The following COL5A1 variants were observed in gnomAD, a reference collection of about 807,000 sequenced individuals.
The protein encoded by COL5A1 is collagen type V alpha 1 chain, also known as collagen alpha-1(V) chain.
COL5A1 carries 16 observed loss-of-function variants against 263.7 expected under a neutral mutation model. That is an observed-to-expected ratio of 0.06 (90% CI 0.04 to 0.09). The LOEUF is 0.09. COL5A1 is among the 10% of genes least tolerant of loss of function. The pLI, the probability that COL5A1 is intolerant of heterozygous loss-of-function variation, is 1.00. For synonymous variants in COL5A1, 1,012 were observed against 1,004.5 expected (o/e 1.01, Z -0.14); for missense variants, 2,036 against 2,540.5 (o/e 0.80, Z 4.27).
intron 11 of COL5A1, among the ~76,000 whole-genome samples, chr9:134,745,717 G>A (rs183348563): frequency 9.5e-4 from 144 of 152,242 alleles, no homozygotes; most frequent in Middle Eastern, 3.4e-3. Flanking sequence ...TGGGATCCTC[G>A]GACAATTGAT....
intron 18 of COL5A1, among the ~76,000 whole-genome samples, chr9:134,759,293 T>C (rs1014361009): frequency 1.3e-3 from 132 of 98,640 alleles, no homozygotes; most frequent in Non-Finnish European, 1.9e-3. Context: ...CACACACGCA[T>C]ACACACCCAC....
chr9:134,649,548 A>G (rs1048578184), intron 1 of COL5A1: 4 of 469,848 alleles, frequency 8.5e-6, no homozygotes, highest in Non-Finnish European at 1.8e-5. Context: ...CCTTGCCAGG[A>G]CCTCGGCAAT....
At chr9:134,708,365 A>C in intron 4 of COL5A1, 1 of 336,442 alleles carries the variant, frequency 3.0e-6, no homozygotes, top group Non-Finnish European at 5.9e-6. Context: ...TCCTGGCCCA[A>C]GTCCCTGCTG....
chr9:134,823,092 C>A lies in COL5A1; in HGVS notation c.4644+59C>A, dbSNP rs1839088137. ...TGGAAGGTAGGGGAGGGCGACGGGT[C>A]CCCTGGCACGGGAACAAACTACCCA... On this transcript the variant is annotated intron_variant, in intron 60 of 65. Coordinates refer to ENST00000371817, the MANE Select transcript of COL5A1 (RefSeq NM_000093.5). 3.2e-6 allele frequency: 5 copies of A among 1,587,138 alleles called. No individual in the cohort carries two copies. In the South Asian group the frequency reaches 5.5e-5, roughly 18 times the overall value.
chr9:134,777,921 T>C (rs114044162), intron 27 of COL5A1, among the ~76,000 whole-genome samples: 1 of 152,250 alleles, frequency 6.6e-6, no homozygotes, highest in African/African-American at 2.4e-5. Flanking sequence ...CTGATTGTAT[T>C]CTCAGCCACA....
intron 2 of COL5A1, among the ~76,000 whole-genome samples, chr9:134,694,081 T>C (rs7861715): frequency 0.48 from 73,671 of 152,118 alleles, 18,714 homozygotes; most frequent in South Asian, 0.69. Flanking sequence ...ACAGTATCTG[T>C]AAGTATCTCT....
At chr9:134,819,151 A>C in intron 57 of COL5A1, 98 bp downstream of exon 57, 1 of 1,285,046 alleles carries the variant, frequency 7.8e-7, no homozygotes, top group Non-Finnish European at 1.1e-6. Flanking sequence ...CGTCACCTAA[A>C]TGTGTCAAGC....
chr9:134,757,817 C>T lies in COL5A1; in HGVS notation c.1882-426C>T, dbSNP rs964650295. On this transcript the variant is annotated intron_variant, in intron 17 of 65. Coordinates refer to ENST00000371817, the MANE Select transcript of COL5A1 (RefSeq NM_000093.5). The surrounding 1 kb of genome is among the most constrained non-coding windows in gnomAD (Gnocchi z 6.2). ...GTGCTGGCCCGTCCACCAATGGGTA[C>T]GCGTACCTCCTGAGCGCGGGCAGCC... 6.6e-6 allele frequency among the ~76,000 whole-genome samples: 1 copy of T among 152,158 alleles called. No individual in the cohort carries two copies. The highest frequency in any genetic ancestry group is 2.1e-4 in the South Asian group (1 of 4,818).
chr9:134,690,412 G>A (rs888921296), intron 1 of COL5A1, among the ~76,000 whole-genome samples: 6 of 152,202 alleles, frequency 3.9e-5, no homozygotes, highest in Admixed American at 6.5e-5. Context: ...GTGACCCACC[G>A]GTTCTCCTGT....
intron 4 of COL5A1, 130 bp from the exon 5 acceptor site, chr9:134,727,136 C>A: frequency 1.1e-6 from 1 of 948,096 alleles, no homozygotes; most frequent in Non-Finnish European, 1.7e-6. Context: ...GAATGTTTGG[C>A]TCTGAGGACA....
chr9:134,738,555 T>C, intron 10 of COL5A1, 40 bp downstream of exon 10: 1 of 1,613,636 alleles, frequency 6.2e-7, no homozygotes, highest in Non-Finnish European at 8.5e-7. Flanking sequence ...CAGAAGGTGC[T>C]CTTGGTGGGG....
In COL5A1 at chr9:134,727,167, C is replaced by T. The variant is rs530076511; in HGVS notation, c.655-99C>T. ...GGACAAGCTCGTCTTGTGGCTTGGT[C>T]TGGACTTTCCCCTGCTTCAAGGCAT... On this transcript the variant is annotated intron_variant, in intron 4 of 65. Coordinates refer to ENST00000371817, the MANE Select transcript of COL5A1 (RefSeq NM_000093.5). The T allele has an allele frequency of 2.8e-5, 37 of 1,317,920 alleles. 1 individual carries two copies. In the South Asian group the frequency reaches 3.9e-4, roughly 14 times the overall value. The allele number at this position is 1,317,920 out of a possible 1,614,324, so 81.6% of individuals were successfully genotyped here.
At chr9:134,816,056 C>T in intron 52 of COL5A1, 68 bp downstream of exon 52, 5 of 1,519,098 alleles carry the variant, frequency 3.3e-6, no homozygotes, top group Non-Finnish European at 4.6e-6. Flanking sequence ...TTGCAGCTTG[C>T]TTGACTCATT....
intron 42 of COL5A1, 119 bp downstream of exon 42, chr9:134,806,415 G>A: frequency 1.3e-6 from 1 of 741,390 alleles, no homozygotes; most frequent in South Asian, 1.8e-5. Flanking sequence ...ATTGGGGATG[G>A]GGTGGGGTCT....
chr9:134,721,098 C>T (rs1834435521), intron 4 of COL5A1, among the ~76,000 whole-genome samples: 1 of 152,130 alleles, frequency 6.6e-6, no homozygotes, highest in African/African-American at 2.4e-5. Flanking sequence ...GAAGATGCCT[C>T]TCTCACCCTG....
chr9:134,821,886 G>A lies in COL5A1; in HGVS notation c.4555-211G>A. The stretch of plus-strand genomic sequence containing the variant: ...AGCCGGGGGAGCAGTGCCGAGGGCT[G>A]GCAGCCTTGGGGTGGATGCTCAGGT... On this transcript the variant is annotated intron_variant, in intron 58 of 65. Coordinates refer to ENST00000371817, the MANE Select transcript of COL5A1 (RefSeq NM_000093.5). The surrounding 1 kb of genome is among the most constrained non-coding windows in gnomAD (Gnocchi z 4.2). Among the ~76,000 whole-genome samples the A allele has an allele frequency of 6.6e-6, 1 of 152,238 alleles. No homozygotes were observed. The highest frequency in any genetic ancestry group is 2.4e-5 in the African/African-American group (1 of 41,466).
intron 1 of COL5A1, among the ~76,000 whole-genome samples, chr9:134,651,050 C>G (rs1831664062): frequency 6.6e-6 from 1 of 152,212 alleles, no homozygotes; most frequent in Non-Finnish European, 1.5e-5. Flanking sequence ...TGGCTCCGCT[C>G]CCTCCTGTTT....
chr9:134,766,214 G>A (rs1265615828), intron 21 of COL5A1, among the ~76,000 whole-genome samples: 1 of 152,176 alleles, frequency 6.6e-6, no homozygotes, highest in Non-Finnish European at 1.5e-5. Flanking sequence ...CCTGAGGCCT[G>A]CCCCGTGGAA....
At chr9:134,731,885 A>G (rs1278663764) in intron 8 of COL5A1, among the ~76,000 whole-genome samples, 186 bp from the exon 9 acceptor site, 1 of 152,160 alleles carries the variant, frequency 6.6e-6, no homozygotes, top group African/African-American at 2.4e-5. Flanking sequence ...TTTCTTCGTT[A>G]GTAGTCACAT....
Sources: allele counts gnomAD v4.1 joint callset (sites outside exome capture counted in the v4.1 genomes callset), GRCh38; gene constraint gnomAD v4.1.1; non-coding constraint Gnocchi (gnomAD v3.1); transcripts MANE v1.5; gene names NCBI Gene and HGNC (gene_info 2026-07-23, HGNC 2026-07-21).